Variants in EFCAB11 observed in about 807,000 individuals in gnomAD.
EFCAB11 encodes EF-hand calcium-binding domain-containing protein 11.
A neutral mutation model predicts 23.0 loss-of-function variants in EFCAB11; 14 were observed. That is an observed-to-expected ratio of 0.61 (90% CI 0.40 to 0.95). The LOEUF is 0.95. EFCAB11 is among the 40% of genes least tolerant of loss of function. The probability of loss-of-function intolerance (pLI) is 0.00; values close to 1 mark genes in which losing one functional copy is unlikely to be tolerated. For synonymous variants in EFCAB11, 65 were observed against 66.6 expected (o/e 0.98, Z 0.11); for missense variants, 198 against 195.8 (o/e 1.01, Z -0.07).
At chr14:89,953,065 C>T (rs1228749580) in intron 2 of EFCAB11, among the ~76,000 whole-genome samples, 2 of 152,124 alleles carry the variant, frequency 1.3e-5, no homozygotes, top group Non-Finnish European at 2.9e-5. Context: ...TGAATTGGTG[C>T]AATCTTTTCT....
rs1275882342 is a variant in EFCAB11, at chr14:89,813,697, AC to A, written c.411-16374del. On this transcript the variant is annotated intron_variant, in intron 5 of 5. Coordinates refer to ENST00000316738, the MANE Select transcript of EFCAB11 (RefSeq NM_145231.4). Reference sequence around the variant, plus strand: ...AAAATGCCTATGTGCTCAGCACACAACCACTTCTCTATTTTGTGAGTTTCCC... The same window carrying A: ...AAAATGCCTATGTGCTCAGCACACAACACTTCTCTATTTTGTGAGTTTCCC... 4.6e-5 allele frequency among the ~76,000 whole-genome samples: 7 copies of A among 151,584 alleles called. No homozygotes were observed. The East Asian group carries it at 9.7e-4, about 21-fold the overall frequency.
At chr14:89,806,831 G>A (rs1241000705) in intron 5 of EFCAB11, among the ~76,000 whole-genome samples, 1 of 152,160 alleles carries the variant, frequency 6.6e-6, no homozygotes, top group African/African-American at 2.4e-5. Context: ...ATGAATCTAA[G>A]CCAGATCTTA....
intron 3 of EFCAB11, among the ~76,000 whole-genome samples, chr14:89,947,492 T>G (rs886543392): frequency 6.6e-6 from 1 of 152,198 alleles, no homozygotes; most frequent in African/African-American, 2.4e-5. Context: ...ATCATCACTT[T>G]CCACTTATCT....
intron 5 of EFCAB11, among the ~76,000 whole-genome samples, chr14:89,826,459 AT>A (rs1029084795): frequency 2.8e-3 from 407 of 145,852 alleles, no homozygotes; most frequent in Middle Eastern, 3.7e-3. Flanking sequence ...AAGAGGTTAG[AT>A]TTTTTTTTTT....
At chr14:89,867,100 G>A (rs935287857) in intron 5 of EFCAB11, among the ~76,000 whole-genome samples, 1 of 152,196 alleles carries the variant, frequency 6.6e-6, no homozygotes, top group African/African-American at 2.4e-5. Context: ...TTTACATAAA[G>A]TCTATTTACC....
chr14:89,915,854 C>T (rs183467347), intron 5 of EFCAB11, among the ~76,000 whole-genome samples: 32 of 152,018 alleles, frequency 2.1e-4, no homozygotes, highest in African/African-American at 7.5e-4. Context: ...TTAATTTAAC[C>T]GGAAATAAAA....
chr14:89,953,934 A>C lies in EFCAB11; in HGVS notation c.143T>G (p.Val48Gly). Reference sequence around the variant, plus strand: ...GGAGGGCTTGTACCCAAACAGCATTACAACAGCAGTTTTAAAGTCCTCTCT... The same window carrying C: ...GGAGGGCTTGTACCCAAACAGCATTCCAACAGCAGTTTTAAAGTCCTCTCT... ...LSREDFKTAV[V>G]MLFGYKPSKI... Residue 48 changes from valine to glycine, a missense_variant, in exon 2 of 6, where the codon GTA (valine) becomes GGA (glycine). Transcript: ENST00000316738. 1 of 1,613,804 alleles carries C rather than the reference A, an allele frequency of 6.2e-7. No homozygotes were observed. Among genetic ancestry groups the C allele is most frequent in the Non-Finnish European group, 8.5e-7 (1 of 1,179,984 alleles).
intron 3 of EFCAB11, among the ~76,000 whole-genome samples, chr14:89,934,136 TGGCAATAGGAA>T (rs1162011902): frequency 6.6e-6 from 1 of 152,186 alleles, no homozygotes; most frequent in Non-Finnish European, 1.5e-5. Context: ...TTTATTTAAG[TGGCAATAGGAA>T]GTCAACAGAA....
intron 5 of EFCAB11, among the ~76,000 whole-genome samples, chr14:89,846,943 CA>C (rs1887449156): frequency 6.6e-6 from 1 of 152,212 alleles, no homozygotes; most frequent in South Asian, 2.1e-4. Flanking sequence ...TTGCTTTCTT[CA>C]ATCACATTCC....
intron 5 of EFCAB11, among the ~76,000 whole-genome samples, chr14:89,902,756 T>G (rs1889380859): frequency 1.3e-5 from 2 of 152,234 alleles, no homozygotes; most frequent in Non-Finnish European, 2.9e-5. Context: ...CGTATTTTAA[T>G]CATACTGATC....
At chr14:89,812,634 T>C (rs1276456147) in intron 5 of EFCAB11, among the ~76,000 whole-genome samples, 1 of 152,152 alleles carries the variant, frequency 6.6e-6, no homozygotes, top group Non-Finnish European at 1.5e-5. Flanking sequence ...TCACCTTGTA[T>C]GTAAAAGGAA....
intron 5 of EFCAB11, among the ~76,000 whole-genome samples, chr14:89,842,597 A>AATATG (rs72285203): frequency 0.013 from 941 of 70,790 alleles, 3 homozygotes; most frequent in East Asian, 0.051. Flanking sequence ...AATATGATAT[A>AATATG]ATATGATATG....
intron 5 of EFCAB11, among the ~76,000 whole-genome samples, chr14:89,838,654 T>C (rs1887161273): frequency 6.6e-6 from 1 of 151,958 alleles, no homozygotes; most frequent in African/African-American, 2.4e-5. Flanking sequence ...AATGGAAAAA[T>C]TGAGCAGATT....
chr14:89,833,323 T>A (rs937157413), intron 5 of EFCAB11: 1 of 152,214 alleles, frequency 6.6e-6, no homozygotes, highest in Non-Finnish European at 1.5e-5. Context: ...TAACACAGTC[T>A]GAAGGCTAGG....
At chr14:89,851,864 A>G (rs980213560) in intron 5 of EFCAB11, among the ~76,000 whole-genome samples, 1 of 152,202 alleles carries the variant, frequency 6.6e-6, no homozygotes, top group East Asian at 1.9e-4. Context: ...CGGAAGAGTC[A>G]CCAAAGAACA....
At chr14:89,838,176 G>A (rs568274464) in intron 5 of EFCAB11, among the ~76,000 whole-genome samples, 1 of 152,284 alleles carries the variant, frequency 6.6e-6, no homozygotes, top group African/African-American at 2.4e-5. Context: ...TTCAATGAAT[G>A]AGGAGATTCA....
chr14:89,841,163 C>T (rs1596395073), intron 5 of EFCAB11, among the ~76,000 whole-genome samples: 2 of 152,334 alleles, frequency 1.3e-5, no homozygotes, highest in East Asian at 1.9e-4. Flanking sequence ...CATACATCCT[C>T]ATCTGTCTCA....
chr14:89,890,091 T>A (rs1166545115), intron 5 of EFCAB11, among the ~76,000 whole-genome samples: 1 of 152,218 alleles, frequency 6.6e-6, no homozygotes, highest in African/African-American at 2.4e-5. Context: ...TACTATAAAA[T>A]GCACTTTTAT....
chr14:89,873,055 G>A (rs1888331264), intron 5 of EFCAB11, among the ~76,000 whole-genome samples: 1 of 152,148 alleles, frequency 6.6e-6, no homozygotes, highest in African/African-American at 2.4e-5. Flanking sequence ...ATTAGTATTA[G>A]TATTAGTCTA....
Sources: allele counts gnomAD v4.1 joint callset (sites outside exome capture counted in the v4.1 genomes callset), GRCh38; gene constraint gnomAD v4.1.1; transcripts MANE v1.5; gene names NCBI Gene and HGNC (gene_info 2026-07-23, HGNC 2026-07-21).